The following SYT1 variants were observed in gnomAD, a reference collection of about 807,000 sequenced individuals.
The protein encoded by SYT1 is synaptotagmin-1.
In SYT1, 8 loss-of-function variants were observed where a neutral mutation model predicts 44.8. The observed-to-expected ratio is 0.18, with a 90% CI of 0.10 to 0.32. The LOEUF is 0.32. Ranked by LOEUF, SYT1 falls within the 10% of genes least tolerant of loss-of-function variation. The pLI, the probability that SYT1 is intolerant of heterozygous loss-of-function variation, is 1.00. For missense variants in SYT1, 286 were observed against 509.3 expected (o/e 0.56, Z 4.22); for synonymous variants, 154 against 188.8 (o/e 0.82, Z 1.51).
At chr12:79,251,917 A>AT (rs57013333) in intron 4 of SYT1, among the ~76,000 whole-genome samples, 103,298 of 150,918 alleles carry the variant, frequency 0.68, 35,651 homozygotes, top group Admixed American at 0.72. Context: ...ATGGAGTTTT[A>AT]TTTTTTTTTC....
At chr12:79,294,395 A>G (rs2400394) in intron 6 of SYT1, among the ~76,000 whole-genome samples, 150,259 of 152,166 alleles carry the variant, frequency 0.99, 74,196 homozygotes, top group East Asian at 1. Context: ...ATTCCTAAGA[A>G]GCAGGAAGTT....
intron 4 of SYT1, among the ~76,000 whole-genome samples, chr12:79,254,198 C>T (rs553368118): frequency 6.2e-4 from 95 of 152,262 alleles, no homozygotes; most frequent in African/African-American, 2.2e-3. Flanking sequence ...TTTCAAAGGA[C>T]AGGCTGACTC....
chr12:79,317,431 C>G (rs374979313), intron 8 of SYT1, among the ~76,000 whole-genome samples: 1 of 152,140 alleles, frequency 6.6e-6, no homozygotes, highest in Non-Finnish European at 1.5e-5. Context: ...ATTATTTTCC[C>G]CCTGGGACGG....
At chr12:78,900,114 AAG>A (rs1259096934) in intron 1 of SYT1, among the ~76,000 whole-genome samples, 1 of 152,126 alleles carries the variant, frequency 6.6e-6, no homozygotes, top group Non-Finnish European at 1.5e-5. Context: ...AGTGGTGACT[AAG>A]AGAGGCTGAG....
At chr12:79,373,141 A>G (rs1188577040) in intron 9 of SYT1, among the ~76,000 whole-genome samples, 1 of 152,198 alleles carries the variant, frequency 6.6e-6, no homozygotes, top group African/African-American at 2.4e-5. Context: ...TTATTGGTAA[A>G]CCAGATAAAT....
At chr12:79,039,421 G>A (rs1014586055) in intron 2 of SYT1, among the ~76,000 whole-genome samples, 1 of 151,912 alleles carries the variant, frequency 6.6e-6, no homozygotes, top group Admixed American at 6.6e-5. Flanking sequence ...GATAGATGAT[G>A]GAAGGTGCAA....
chr12:79,006,416 G>T lies in SYT1; in HGVS notation c.-84+28485G>T, dbSNP rs977476734. On this transcript the variant is annotated intron_variant, in intron 2 of 10. Coordinates refer to ENST00000261205, the MANE Select transcript of SYT1 (RefSeq NM_005639.3). Reference sequence around the variant, plus strand: ...TGTTGTCATTGGAATGCTCTATGAGGGGAAAAAGCAGAAGCAGCAGTGACT... The same window carrying T: ...TGTTGTCATTGGAATGCTCTATGAGTGGAAAAAGCAGAAGCAGCAGTGACT... 2.6e-5 allele frequency among the ~76,000 whole-genome samples: 4 copies of T among 152,184 alleles called. No homozygotes were observed. In the South Asian group the frequency reaches 6.2e-4, roughly 24 times the overall value.
At chr12:79,161,325 G>T (rs773965244) in intron 3 of SYT1, among the ~76,000 whole-genome samples, 5 of 152,046 alleles carry the variant, frequency 3.3e-5, no homozygotes, top group Non-Finnish European at 7.4e-5. Flanking sequence ...TTACCATTGT[G>T]TTACAGTTTT....
intron 3 of SYT1, among the ~76,000 whole-genome samples, chr12:79,124,645 C>G (rs1565817000): frequency 6.6e-6 from 1 of 152,066 alleles, no homozygotes; most frequent in East Asian, 1.9e-4. Flanking sequence ...TCCTCATCGT[C>G]ATCATCACCT....
In SYT1 at chr12:78,905,108, AT is replaced by A. The variant is rs370598437; in HGVS notation, c.-217+40005del. ...TAGGCACTGATTACTTGGTAAGGCA[AT>A]TTTTTGTTCCAGGACCATTCTAATC... On this transcript the variant is annotated intron_variant, in intron 1 of 10. Transcript: ENST00000261205. Among the ~76,000 whole-genome samples, 50 of 152,198 alleles carry A rather than the reference AT, an allele frequency of 3.3e-4. 1 individual carries two copies. Among genetic ancestry groups the A allele is most frequent in the African/African-American group, 1.2e-3 (50 of 41,534 alleles).
At chr12:79,131,862 A>C in intron 3 of SYT1, among the ~76,000 whole-genome samples, 1 of 152,240 alleles carries the variant, frequency 6.6e-6, no homozygotes, top group East Asian at 1.9e-4. Flanking sequence ...AGTATGATGA[A>C]AGAATGTGGT....
intron 1 of SYT1, among the ~76,000 whole-genome samples, chr12:78,937,949 G>A (rs1436971976): frequency 1.3e-5 from 2 of 152,038 alleles, no homozygotes; most frequent in African/African-American, 4.8e-5. Flanking sequence ...GATGTGACTG[G>A]TATTGCTGAG....
chr12:79,005,287 A>T lies in SYT1; in HGVS notation c.-84+27356A>T, dbSNP rs190740095. Among the ~76,000 whole-genome samples the T allele has an allele frequency of 2.2e-4, 34 of 152,150 alleles. No homozygotes were observed. In the East Asian group the frequency reaches 6.0e-3, roughly 27 times the overall value. ...TTTTTCATGATAATATTTTATTCAT[A>T]TCATGAAATTCAATTATATAAATAT... On this transcript the variant is annotated intron_variant, in intron 2 of 10. Coordinates refer to ENST00000261205, the MANE Select transcript of SYT1 (RefSeq NM_005639.3).
intron 8 of SYT1, among the ~76,000 whole-genome samples, chr12:79,345,025 A>T (rs1422181791): frequency 6.6e-6 from 1 of 152,174 alleles, no homozygotes; most frequent in East Asian, 1.9e-4. Context: ...GTGTACATGC[A>T]TTCCTGTGCC....
chr12:79,292,502 G>C (rs903689919), intron 6 of SYT1, among the ~76,000 whole-genome samples: 2 of 152,174 alleles, frequency 1.3e-5, no homozygotes, highest in African/African-American at 2.4e-5. Flanking sequence ...ACTAGACAGG[G>C]CTAGGGGCCT....
intron 9 of SYT1, chr12:79,392,794 C>CT (rs201086341): frequency 2.2e-4 from 20 of 90,038 alleles, no homozygotes; most frequent in East Asian, 1.3e-3. Context: ...CTTTATTTTT[C>CT]TTTCTTTTTT....
chr12:79,105,874 C>T (rs1041985728), intron 3 of SYT1, among the ~76,000 whole-genome samples: 12 of 149,826 alleles, frequency 8.0e-5, no homozygotes, highest in African/African-American at 2.7e-4. Flanking sequence ...AGCTAGACTC[C>T]GTCTCAAGAA....
intron 4 of SYT1, among the ~76,000 whole-genome samples, chr12:79,236,230 G>C (rs1421775662): frequency 1.3e-5 from 2 of 152,166 alleles, no homozygotes; most frequent in Non-Finnish European, 1.5e-5. Context: ...CAAGTCCCTT[G>C]TTCAGAAACC....
In SYT1 at chr12:79,446,269, G is replaced by C. The variant is rs532089652; in HGVS notation, c.1062+2063G>C. On this transcript the variant is annotated intron_variant, in intron 10 of 10. Coordinates refer to ENST00000261205, the MANE Select transcript of SYT1 (RefSeq NM_005639.3). ...ATAGGAACACACAGTAAATGGTCCT[G>C]TCATCATCATCATTATTATTCACAT... Among the ~76,000 whole-genome samples, 3 of 151,750 alleles carry C rather than the reference G, an allele frequency of 2.0e-5. No individual in the cohort carries two copies. The East Asian group carries it at 5.8e-4, about 29-fold the overall frequency.
Sources: allele counts gnomAD v4.1 joint callset (sites outside exome capture counted in the v4.1 genomes callset), GRCh38; gene constraint gnomAD v4.1.1; transcripts MANE v1.5; gene names NCBI Gene and HGNC (gene_info 2026-07-23, HGNC 2026-07-21).